Variants in NTNG1 observed in about 807,000 individuals in gnomAD.
NTNG1 encodes netrin-G1.
Under a neutral mutation model 54.0 loss-of-function variants are expected in NTNG1, and 16 were observed. The ratio of observed to expected loss-of-function variants is 0.30; its 90% CI spans 0.20 to 0.45. The LOEUF is 0.45. Among genes scored for constraint, NTNG1 ranks in the 20% least tolerant of loss-of-function variants. NTNG1 has a pLI of 1.00. For missense variants in NTNG1, 530 were observed against 678.7 expected (o/e 0.78, Z 2.43); for synonymous variants, 255 against 263.1 (o/e 0.97, Z 0.30).
chr1:107,451,029 T>A (rs1391143115), intron 7 of NTNG1, among the ~76,000 whole-genome samples: 1 of 152,064 alleles, frequency 6.6e-6, no homozygotes, highest in Non-Finnish European at 1.5e-5. Flanking sequence ...TGGTGACTGT[T>A]AATACCCTTA....
intron 2 of NTNG1, among the ~76,000 whole-genome samples, chr1:107,161,008 A>G (rs1470904086): frequency 6.6e-6 from 1 of 152,150 alleles, no homozygotes; most frequent in Non-Finnish European, 1.5e-5. Flanking sequence ...TACTCCTTAC[A>G]GGCCACTTTC....
intron 3 of NTNG1, among the ~76,000 whole-genome samples, chr1:107,373,055 T>G (rs896920868): frequency 3.3e-5 from 5 of 152,144 alleles, no homozygotes; most frequent in African/African-American, 1.2e-4. Flanking sequence ...ATCCTAATTA[T>G]AGTGTTTAGA....
chr1:107,312,175 A>C (rs769913628), intron 2 of NTNG1, among the ~76,000 whole-genome samples: 1 of 152,168 alleles, frequency 6.6e-6, no homozygotes, highest in African/African-American at 2.4e-5. Context: ...TTTTTAAAAA[A>C]TTAACGAAGG....
intron 1 of NTNG1, among the ~76,000 whole-genome samples, chr1:107,147,095 G>A (rs1004023172): frequency 6.6e-6 from 1 of 151,974 alleles, no homozygotes; most frequent in African/African-American, 2.4e-5. Context: ...TTTGGATAGT[G>A]ATCTCTAAAC....
At chr1:107,178,093 TAA>T (rs1424039475) in intron 2 of NTNG1, among the ~76,000 whole-genome samples, 1 of 152,194 alleles carries the variant, frequency 6.6e-6, no homozygotes, top group Non-Finnish European at 1.5e-5. Context: ...CAAATGCAAC[TAA>T]GTCTTATGTC....
At chr1:107,194,798 A>G (rs1045449690) in intron 2 of NTNG1, among the ~76,000 whole-genome samples, 9 of 152,022 alleles carry the variant, frequency 5.9e-5, no homozygotes, top group African/African-American at 2.2e-4. Flanking sequence ...AATTATAGAT[A>G]TGGCAACATG....
chr1:107,421,872 C>T (rs1031992782), intron 5 of NTNG1, among the ~76,000 whole-genome samples: 2 of 151,976 alleles, frequency 1.3e-5, no homozygotes, highest in African/African-American at 2.4e-5. Context: ...GCATATGTCA[C>T]GTTTTAGTTT....
rs1432041015 is a variant in NTNG1 at position 107,429,531 on chromosome 1, T to TGAATGAATGAATGAAA, written c.1088-1205_1088-1190dup. On this transcript the variant is annotated intron_variant, in intron 5 of 7. Coordinates refer to ENST00000370068, the MANE Select transcript of NTNG1 (RefSeq NM_001113226.3). ...AGACCAACTCAATAAAAATATTTAT[T>TGAATGAATGAATGAAA]GAATGAATGAATGAAAGAATGAATG... is the stretch of plus-strand genomic sequence containing the variant. Among the ~76,000 whole-genome samples, 3 of 152,228 alleles carry TGAATGAATGAATGAAA rather than the reference T, an allele frequency of 2.0e-5. No homozygotes were observed. In the South Asian group the frequency reaches 6.2e-4, roughly 32 times the overall value.
intron 2 of NTNG1, among the ~76,000 whole-genome samples, chr1:107,177,684 T>C (rs1656749737): frequency 6.6e-6 from 1 of 152,198 alleles, no homozygotes; most frequent in African/African-American, 2.4e-5. Context: ...TGCATTTTTC[T>C]CCATAACTCT....
At chr1:107,364,108 A>G (rs1360815046) in intron 3 of NTNG1, among the ~76,000 whole-genome samples, 3 of 152,182 alleles carry the variant, frequency 2.0e-5, no homozygotes, top group African/African-American at 7.2e-5. Context: ...TCATAATGAT[A>G]TTAATAATTT....
chr1:107,387,919 G>A (rs902661149), intron 3 of NTNG1, among the ~76,000 whole-genome samples: 1 of 152,126 alleles, frequency 6.6e-6, no homozygotes. Flanking sequence ...CCCTCTGATT[G>A]TTCAGTGCAA....
In NTNG1 at chr1:107,446,967, C is replaced by T. The variant is rs144526843; in HGVS notation, c.1390+10168C>T. On this transcript the variant is annotated intron_variant, in intron 7 of 7. Transcript: ENST00000370068. ...TGACTGGTTAGCAGTCAAGATCATC[C>T]AGACACTGCTGGATGCTCATTTTTA... Among the ~76,000 whole-genome samples, 7 of 152,204 alleles carry T rather than the reference C, an allele frequency of 4.6e-5. No homozygotes were observed. In the East Asian group the frequency reaches 7.7e-4, roughly 17 times the overall value.
chr1:107,262,044 A>C (rs1201937269), intron 2 of NTNG1, among the ~76,000 whole-genome samples: 1 of 152,228 alleles, frequency 6.6e-6, no homozygotes. Flanking sequence ...CCACAAAACA[A>C]GAATATGAGC....
intron 3 of NTNG1, among the ~76,000 whole-genome samples, chr1:107,376,626 G>A (rs1671280377): frequency 6.6e-6 from 1 of 152,036 alleles, no homozygotes; most frequent in Admixed American, 6.5e-5. Flanking sequence ...ATTTACACTG[G>A]CCCTGAATTT....
At chr1:107,417,382 C>G (rs1425303682) in intron 5 of NTNG1, among the ~76,000 whole-genome samples, 1 of 152,038 alleles carries the variant, frequency 6.6e-6, no homozygotes, top group Non-Finnish European at 1.5e-5. Context: ...AGTCTCTTGT[C>G]TTGGAAGAAT....
intron 3 of NTNG1, among the ~76,000 whole-genome samples, chr1:107,391,611 C>T (rs1317144403): frequency 6.6e-6 from 1 of 152,100 alleles, no homozygotes; most frequent in Non-Finnish European, 1.5e-5. Context: ...CCTGCATCTG[C>T]TCAGTTTCTG....
chr1:107,372,824 A>T (rs1407716553), intron 3 of NTNG1, among the ~76,000 whole-genome samples: 1 of 152,116 alleles, frequency 6.6e-6, no homozygotes, highest in East Asian at 1.9e-4. Flanking sequence ...TGCTTCAGGA[A>T]GAATAAACGA....
chr1:107,168,357 G>A (rs900505522), intron 2 of NTNG1, among the ~76,000 whole-genome samples: 8 of 151,376 alleles, frequency 5.3e-5, no homozygotes, highest in East Asian at 3.9e-4. Context: ...GTTATTAATC[G>A]ATGAAGTAAG....
rs1179142929 is a variant in NTNG1 at position 107,481,588 on chromosome 1, G to A, written c.*748G>A. ...AACTACTGTAATATGTAGATTTTTT[G>A]TATTATTGCCAATTTGTGTTACCAG... is the stretch of plus-strand genomic sequence containing the variant. On this transcript the variant is annotated 3_prime_UTR_variant, in exon 8 of 8. Coordinates refer to ENST00000370068, the MANE Select transcript of NTNG1 (RefSeq NM_001113226.3). 1.3e-5 allele frequency: 2 copies of A among 152,568 alleles called. No individual in the cohort carries two copies. The highest frequency in any genetic ancestry group is 4.8e-5 in the African/African-American group (2 of 41,440). 9.5% of individuals were successfully genotyped at this position (152,568 alleles called of 1,614,324 possible).
Sources: gnomAD v4.1 joint callset for allele counts (sites outside exome capture counted in the v4.1 genomes callset) on GRCh38, gnomAD v4.1.1 for gene constraint, MANE v1.5 for transcripts, NCBI Gene and HGNC (gene_info 2026-07-23, HGNC 2026-07-21) for gene names.